ANK1: variants seen among roughly 807,000 people sequenced by gnomAD.
The protein encoded by ANK1 is ankyrin 1.
Under a neutral mutation model 210.4 loss-of-function variants are expected in ANK1, and 51 were observed. That is an observed-to-expected ratio of 0.24 (90% CI 0.19 to 0.31). The LOEUF is 0.31. Among genes scored for constraint, ANK1 ranks in the 10% least tolerant of loss-of-function variants. The probability of loss-of-function intolerance (pLI) is 1.00; values close to 1 mark genes in which losing one functional copy is unlikely to be tolerated. For missense variants in ANK1, 2,051 were observed against 2,504.4 expected (o/e 0.82, Z 3.86); for synonymous variants, 967 against 1,025.9 (o/e 0.94, Z 1.10).
chr8:41,672,339 C>T lies in ANK1; in HGVS notation c.5096+15G>A, dbSNP rs773628680. 6.2e-7 allele frequency: 1 copy of T among 1,613,526 alleles called. No individual in the cohort carries two copies. Among genetic ancestry groups the T allele is most frequent in the African/African-American group, 1.3e-5 (1 of 75,060 alleles). ...AAGACAAAAAGGGACCCTGCTCCCA[C>T]AGTCAAGCTCTTACCTGTCCTGACT... On this transcript the variant is annotated intron_variant, in intron 38 of 42. Transcript: ENST00000289734.
In ANK1 at chr8:41,720,740, G is replaced by A. The variant is rs572652413; in HGVS notation, c.910-882C>T. On this transcript the variant is annotated intron_variant, in intron 9 of 42. Transcript: ENST00000289734. ...CACTGGGAGGGAGGAGGTGAGGCCT[G>A]AGCTAGGACTTGAAAGGAGCTGAAT... 4.7e-4 allele frequency among the ~76,000 whole-genome samples: 72 copies of A among 152,240 alleles called. 1 individual carries two copies. The South Asian group carries it at 0.012, about 25-fold the overall frequency.
At chr8:41,836,436 T>A (rs1807732655) in intron 1 of ANK1, among the ~76,000 whole-genome samples, 1 of 152,250 alleles carries the variant, frequency 6.6e-6, no homozygotes, top group Non-Finnish European at 1.5e-5. Flanking sequence ...TCATTGTGGC[T>A]GCAGGCACCC....
At position 41,793,346 on chromosome 8, in the gene ANK1, C is replaced by T. The variant is rs1022026786; in HGVS notation, c.27+4166G>A. On this transcript the variant is annotated intron_variant, in intron 1 of 42. Transcript: ENST00000289734. ...AGTGAGCTATGCTTGTGCCACTGCA[C>T]TCCAGCCTGGGCAATACAGTGAGAC... 3.3e-5 allele frequency among the ~76,000 whole-genome samples: 5 copies of T among 152,242 alleles called. No homozygotes were observed. The East Asian group carries it at 9.6e-4, about 29-fold the overall frequency.
upstream of ANK1, among the ~76,000 whole-genome samples, chr8:41,798,173 G>T (rs1186800625): frequency 6.6e-6 from 1 of 151,994 alleles, no homozygotes; most frequent in Non-Finnish European, 1.5e-5. Context: ...CGGGTGTGGG[G>T]CGCAGGAGTC....
At chr8:41,723,063 C>G in intron 9 of ANK1, 62 bp downstream of exon 9, 1 of 1,425,628 alleles carries the variant, frequency 7.0e-7, no homozygotes, top group Non-Finnish European at 9.9e-7. Context: ...GGATTTGATG[C>G]CAGGTCTGTT....
intron 1 of ANK1, among the ~76,000 whole-genome samples, chr8:41,870,810 C>G (rs182599803): frequency 1.3e-5 from 2 of 152,224 alleles, no homozygotes; most frequent in Admixed American, 6.5e-5. Flanking sequence ...GGCACCTGGG[C>G]TCCGCTTGGC....
upstream of ANK1, among the ~76,000 whole-genome samples, chr8:41,800,530 T>C (rs1458381955): frequency 2.0e-5 from 3 of 152,188 alleles, no homozygotes; most frequent in Non-Finnish European, 4.4e-5. Flanking sequence ...AACAAAAAGA[T>C]AATAAACTGA....
chr8:41,777,053 A>G (rs989013605), intron 1 of ANK1, among the ~76,000 whole-genome samples: 1 of 152,250 alleles, frequency 6.6e-6, no homozygotes, highest in African/African-American at 2.4e-5. Context: ...ATCTTTTCAT[A>G]CAGTATTTAT....
intron 1 of ANK1, among the ~76,000 whole-genome samples, chr8:41,862,481 T>C (rs61449661): frequency 0.012 from 1,771 of 152,098 alleles, 37 homozygotes; most frequent in African/African-American, 0.04. Flanking sequence ...CTGGAGAAGA[T>C]AGAGGAGCAC....
chr8:41,718,514 A>C (rs1004215015), intron 10 of ANK1, among the ~76,000 whole-genome samples: 4 of 152,192 alleles, frequency 2.6e-5, no homozygotes, highest in African/African-American at 9.7e-5. Flanking sequence ...AAGCCCCCTA[A>C]GGGTAAATTT....
At chr8:41,877,571 A>G (rs1051323608) in intron 1 of ANK1, among the ~76,000 whole-genome samples, 1 of 152,266 alleles carries the variant, frequency 6.6e-6, no homozygotes, top group Non-Finnish European at 1.5e-5. Context: ...CCAGTTTAGG[A>G]GACAGAAAAA....
At chr8:41,750,405 G>A (rs1041730480) in intron 2 of ANK1, among the ~76,000 whole-genome samples, 3 of 152,204 alleles carry the variant, frequency 2.0e-5, no homozygotes, top group African/African-American at 4.8e-5. Flanking sequence ...TGGGGCTAAC[G>A]CCAGCATCTG....
Position 41,703,450 on chromosome 8 carries a change from A to ATATATTTTT in ANK1, c.2295+590_2295+591insAAAAATATA, listed in dbSNP as rs59985416. ...TATATATATATATATATATATATAT[A>ATATATTTTT]TTTTTTTTTTTTTTTTAAGACACAA... On this transcript the variant is annotated intron_variant, in intron 20 of 42. Transcript: ENST00000289734. Among the ~76,000 whole-genome samples, 5 of 58,816 alleles carry ATATATTTTT rather than the reference A, an allele frequency of 8.5e-5. No homozygotes were observed. In the East Asian group the frequency reaches 1.6e-3, roughly 19 times the overall value. 38.6% of individuals were successfully genotyped at this position (58,816 alleles called of 152,430 possible).
intron 1 of ANK1, among the ~76,000 whole-genome samples, chr8:41,882,049 G>T (rs1341269123): frequency 6.6e-6 from 1 of 152,104 alleles, no homozygotes; most frequent in Admixed American, 6.6e-5. Flanking sequence ...TATAAATCGG[G>T]ACTTTGGAGA....
In ANK1 at chr8:41,655,378, C is replaced by T. The variant is rs1238646285; in HGVS notation, c.*412G>A. 5 of 231,794 alleles carry T rather than the reference C, an allele frequency of 2.2e-5. No homozygotes were observed. The highest frequency in any genetic ancestry group is 1.1e-4 in the South Asian group (1 of 9,180). 14.4% of individuals were successfully genotyped at this position (231,794 alleles called of 1,614,324 possible). A position where few individuals can be genotyped will look rare whatever the true frequency, so the allele number is the denominator to read the frequency against. On this transcript the variant is annotated 3_prime_UTR_variant, in exon 43 of 43. Transcript: ENST00000289734. ...TGAGGTTGGGAAAAAGTACCCTGTA[C>T]GAAGTCAAAACAATTTAAAAAAAAA... is the stretch of plus-strand genomic sequence containing the variant.
intron 1 of ANK1, among the ~76,000 whole-genome samples, chr8:41,813,936 A>T (rs545631428): frequency 6.6e-6 from 1 of 152,234 alleles, no homozygotes; most frequent in Non-Finnish European, 1.5e-5. Flanking sequence ...AGTTCCTTAA[A>T]GTTGTCTGGC....
chr8:41,742,415 TC>T (rs1835011626), intron 2 of ANK1, among the ~76,000 whole-genome samples: 1 of 152,220 alleles, frequency 6.6e-6, no homozygotes, highest in Admixed American at 6.5e-5. Flanking sequence ...CCCTCACACC[TC>T]CTTTCCACGC....
chr8:41,878,034 C>G (rs1816903031), intron 1 of ANK1, among the ~76,000 whole-genome samples: 1 of 152,192 alleles, frequency 6.6e-6, no homozygotes, highest in African/African-American at 2.4e-5. Context: ...TCCTGGAAAA[C>G]AGTCAACTGA....
In ANK1 at chr8:41,655,447, T is replaced by G; in HGVS notation, c.*343A>C. 1 of 397,596 alleles carries G rather than the reference T, an allele frequency of 2.5e-6. No individual in the cohort carries two copies. 24.6% of individuals were successfully genotyped at this position (397,596 alleles called of 1,614,324 possible). On this transcript the variant is annotated 3_prime_UTR_variant, in exon 43 of 43. Coordinates refer to ENST00000289734, the MANE Select transcript of ANK1 (RefSeq NM_000037.4). ...ATCCCCAGCCACAAAAAGCCCTCAT[T>G]CACTTTTGCGTTCGCAGGCTCTCCT... is the stretch of plus-strand genomic sequence containing the variant.
Sources: gnomAD v4.1 joint callset for allele counts (sites outside exome capture counted in the v4.1 genomes callset) on GRCh38, gnomAD v4.1.1 for gene constraint, MANE v1.5 for transcripts, NCBI Gene and HGNC (gene_info 2026-07-23, HGNC 2026-07-21) for gene names.